SNAI2: variants seen among roughly 807,000 people sequenced by gnomAD.
SNAI2 encodes zinc finger protein SNAI2.
A neutral mutation model predicts 22.4 loss-of-function variants in SNAI2; 2 were observed. The ratio of observed to expected loss-of-function variants is 0.09; its 90% CI spans 0.04 to 0.28. SNAI2 has a LOEUF of 0.28. SNAI2 is among the 10% of genes least tolerant of loss of function. The pLI, the probability that SNAI2 is intolerant of heterozygous loss-of-function variation, is 1.00. For missense variants in SNAI2, 239 were observed against 320.8 expected (o/e 0.75, Z 1.95); for synonymous variants, 134 against 123.0 (o/e 1.09, Z -0.59).
At position 48,920,171 on chromosome 8, in the gene SNAI2, A is replaced by G. The variant is rs1167988676; in HGVS notation, c.350T>C (p.Leu117Pro). The G allele has an allele frequency of 1.2e-6, 2 of 1,614,226 alleles. No individual in the cohort carries two copies. The change falls in exon 2 of 3, where the codon CTT (leucine) becomes CCT (proline). Residue 117 changes from leucine (L) to proline (P), a missense_variant. Leu to Pro is a moderately conservative substitution (Grantham distance 98). This residue lies in a region of SNAI2 where 183 missense variants were observed against 190.4 expected (regional missense o/e 0.96). Coordinates refer to ENST00000020945, the MANE Select transcript of SNAI2 (RefSeq NM_003068.5). ...AGCTTCAATGGCATGGGGGTCTGAA[A>G]GCTTGGACTGTAGTCTTTCCTCTTC... ...SDEEERLQSK[L>P]SDPHAIEAEK...
At chr8:48,921,086 G>T in intron 1 of SNAI2, 101 bp downstream of exon 1, 1 of 910,700 alleles carries the variant, frequency 1.1e-6, no homozygotes, top group Non-Finnish European at 1.8e-6. Flanking sequence ...GAAAACAGTT[G>T]AATCTTTGGC....
Position 48,921,333 on chromosome 8 carries a change from C to T in SNAI2, c.-68G>A. 7.9e-7 allele frequency: 1 copy of T among 1,260,316 alleles called. No homozygotes were observed. The highest frequency in any genetic ancestry group is 1.2e-6 in the Non-Finnish European group (1 of 868,210). The allele number at this position is 1,260,316 out of a possible 1,614,324, so 78.1% of individuals were successfully genotyped here. On this transcript the variant is annotated 5_prime_UTR_variant, in exon 1 of 3. Transcript: ENST00000020945. ...CGGCGGGAGGACACGGCGGTCCCTACAGCATCGCGGCGGGCCAGGCTCGGG... is the reference window on the plus strand; with the variant it reads ...CGGCGGGAGGACACGGCGGTCCCTATAGCATCGCGGCGGGCCAGGCTCGGG...
Position 48,920,315 on chromosome 8 carries a change from A to G in SNAI2, c.206T>C (p.Leu69Pro), listed in dbSNP as rs1158057325. 2 of 1,611,772 alleles carry G rather than the reference A, an allele frequency of 1.2e-6. No individual in the cohort carries two copies. The highest frequency in any genetic ancestry group is 2.7e-5 in the African/African-American group (2 of 74,770). ...WTTAAPFHAQLPNGLSPLSGY... is the reference protein window; with the variant it reads ...WTTAAPFHAQPPNGLSPLSGY... ...GGAAAGAGGAGAGAGGCCATTGGGT[A>G]GCTGGGCGTGGAATGGAGCAGCGGT... The change falls in exon 2 of 3, where the codon CTA becomes CCA. Residue 69 changes from leucine (L) to proline (P), a missense_variant. Leu to Pro is a moderately conservative substitution (Grantham distance 98). Coordinates refer to ENST00000020945, the MANE Select transcript of SNAI2 (RefSeq NM_003068.5).
In SNAI2 at chr8:48,920,269, C is replaced by T. The variant is rs778589030; in HGVS notation, c.252G>A (p.Gly84=). ...CAGATGGAGGAGGGGGACTCACTCG[C>T]CCCAAAGATGAGGAGTATCCGGAAA... ...SPLSGYSSSL[G]RVSPPPPSDT... The change falls in exon 2 of 3, where the codon GGG becomes GGA. Residue 84 remains glycine, a synonymous_variant. Coordinates refer to ENST00000020945, the MANE Select transcript of SNAI2 (RefSeq NM_003068.5). The T allele has an allele frequency of 3.7e-6, 6 of 1,613,806 alleles. No homozygotes were observed. The East Asian group carries it at 1.3e-4, about 36-fold the overall frequency.
Position 48,920,288 on chromosome 8 carries a change from C to T in SNAI2, c.233G>A (p.Gly78Glu). Reference sequence around the variant, plus strand: ...CACTCGCCCCAAAGATGAGGAGTATCCGGAAAGAGGAGAGAGGCCATTGGG... The same window carrying T: ...CACTCGCCCCAAAGATGAGGAGTATTCGGAAAGAGGAGAGAGGCCATTGGG... The part of the protein sequence containing the change: ...QLPNGLSPLS[G>E]YSSSLGRVSP... The change falls in exon 2 of 3, where the codon GGA (glycine) becomes GAA (glutamate). Residue 78 changes from glycine (G) to glutamate (E), a missense_variant. Transcript: ENST00000020945. 1 of 1,613,024 alleles carries T rather than the reference C, an allele frequency of 6.2e-7. No homozygotes were observed. The highest frequency in any genetic ancestry group is 8.5e-7 in the Non-Finnish European group (1 of 1,179,262).
At chr8:48,919,359 A>C (rs1247476474) in intron 2 of SNAI2, among the ~76,000 whole-genome samples, 2 of 152,218 alleles carry the variant, frequency 1.3e-5, no homozygotes, top group Non-Finnish European at 2.9e-5. Flanking sequence ...AAGGTGGTCT[A>C]AGTGCCATGA....
At chr8:48,920,538 A>T (rs1378301626) in intron 1 of SNAI2, 97 bp from the exon 2 acceptor site, 1 of 1,113,218 alleles carries the variant, frequency 9.0e-7, no homozygotes, top group African/African-American at 1.5e-5. Context: ...ATTTAGCAAC[A>T]CACACGTGAT....
Position 48,918,867 on chromosome 8 carries a change from G to C in SNAI2, c.747C>G (p.Thr249=). ...KKYQCKNCSK[T]FSRMSLLHKH... ...TGTGCAGGAGAGACATTCTGGAGAA[G>C]GTTTTGGAGCAGTTTTTGCACTGGT... The change falls in exon 3 of 3, where the codon ACC becomes ACG. Residue 249 remains threonine (T), a synonymous_variant. Coordinates refer to ENST00000020945, the MANE Select transcript of SNAI2 (RefSeq NM_003068.5). 6.2e-7 allele frequency: 1 copy of C among 1,614,116 alleles called. No homozygotes were observed. The highest frequency in any genetic ancestry group is 8.5e-7 in the Non-Finnish European group (1 of 1,180,010).
rs767354084 is a variant in SNAI2, at chr8:48,921,308, C to G, written c.-43G>C. 8 of 1,494,118 alleles carry G rather than the reference C, an allele frequency of 5.4e-6. No individual in the cohort carries two copies. In the East Asian group the frequency reaches 1.6e-4, roughly 30 times the overall value. 92.6% of individuals were successfully genotyped at this position (1,494,118 alleles called of 1,614,324 possible). A position where few individuals can be genotyped will look rare whatever the true frequency, so the allele number is the denominator to read the frequency against. On this transcript the variant is annotated 5_prime_UTR_variant, in exon 1 of 3. Coordinates refer to ENST00000020945, the MANE Select transcript of SNAI2 (RefSeq NM_003068.5). ...CGGGCGCCCGGCGCGGATAACGGTC[C>G]GGCGGGAGGACACGGCGGTCCCTAC...
rs181954619 is a variant in SNAI2, at chr8:48,920,156, G to A, written c.365C>T (p.Ala122Val). 1.2e-4 allele frequency: 186 copies of A among 1,614,218 alleles called. 1 individual carries two copies. The East Asian group carries it at 3.2e-3, about 28-fold the overall frequency. ...GCACTGAAACTTTTCAGCTTCAATG[G>A]CATGGGGGTCTGAAAGCTTGGACTG... ...RLQSKLSDPH[A>V]IEAEKFQCNL... The change falls in exon 2 of 3, where the codon GCC becomes GTC. Residue 122 changes from alanine to valine, a missense_variant. Ala to Val is a moderately conservative substitution (Grantham distance 64, BLOSUM62 0). This residue lies in a region of SNAI2 where 183 missense variants were observed against 190.4 expected (regional missense o/e 0.96). Coordinates refer to ENST00000020945, the MANE Select transcript of SNAI2 (RefSeq NM_003068.5).
Position 48,921,255 on chromosome 8 carries a change from G to A in SNAI2, c.11C>T (p.Ser4Phe), listed in dbSNP as rs546348236. Residue 4 changes from serine (S) to phenylalanine (F), a missense_variant, in exon 1 of 3, where the codon TCC (serine) becomes TTC (phenylalanine). This residue lies in a region of SNAI2 where 183 missense variants were observed against 190.4 expected (regional missense o/e 0.96). Coordinates refer to ENST00000020945, the MANE Select transcript of SNAI2 (RefSeq NM_003068.5). The stretch of plus-strand genomic sequence containing the variant: ...GTTGAAATGCTTCTTGACCAGGAAG[G>A]AGCGCGGCATCTTGCCAGCGGGTCT... The part of the protein sequence containing the change: MPR[S>F]FLVKKHFNAS... 6.2e-7 allele frequency: 1 copy of A among 1,613,190 alleles called. No individual in the cohort carries two copies. The highest frequency in any genetic ancestry group is 2.2e-5 in the East Asian group (1 of 44,868).
rs1456500330 is a variant in SNAI2 at position 48,919,063 on chromosome 8, CAA to C, written c.626-77_626-76del. 6.2e-6 allele frequency: 9 copies of C among 1,445,036 alleles called. No homozygotes were observed. In the East Asian group the frequency reaches 2.1e-4, roughly 33 times the overall value. The allele number at this position is 1,445,036 out of a possible 1,614,324, so 89.5% of individuals were successfully genotyped here. On this transcript the variant is annotated intron_variant, in intron 2 of 2. Transcript: ENST00000020945. Reference sequence around the variant, plus strand: ...GAAACATAAAGTAAAATCATGTTAACAAAAGTCAATCACATTTTGCTTAAATA... The same window carrying C: ...GAAACATAAAGTAAAATCATGTTAACAAGTCAATCACATTTTGCTTAAATA...
chr8:48,920,873 G>C (rs763011154), intron 1 of SNAI2, among the ~76,000 whole-genome samples: 13 of 152,164 alleles, frequency 8.5e-5, no homozygotes, highest in Non-Finnish European at 1.8e-4. Flanking sequence ...GAGACTTAGT[G>C]CATGAAAAAC....
chr8:48,919,371 A>T (rs184855512), intron 2 of SNAI2, among the ~76,000 whole-genome samples: 32 of 152,286 alleles, frequency 2.1e-4, no homozygotes, highest in African/African-American at 7.0e-4. Context: ...GTGCCATGAT[A>T]CCCTGCAGAA....
rs767865830 is a variant in SNAI2 at position 48,920,323 on chromosome 8, G to A, written c.198C>T (p.His66=). The change falls in exon 2 of 3, where the codon CAC becomes CAT. Residue 66 remains histidine, a synonymous_variant. Transcript: ENST00000020945. The part of the protein sequence containing the change: ...ITVWTTAAPF[H]AQLPNGLSPL... The stretch of plus-strand genomic sequence containing the variant: ...GAGAGAGGCCATTGGGTAGCTGGGC[G>A]TGGAATGGAGCAGCGGTAGTCCACA... 6.2e-6 allele frequency: 10 copies of A among 1,611,582 alleles called. No individual in the cohort carries two copies. The highest frequency in any genetic ancestry group is 4.5e-5 in the East Asian group (2 of 44,846).
At position 48,921,322 on chromosome 8, in the gene SNAI2, G is replaced by T. The variant is rs536508549; in HGVS notation, c.-57C>A. The T allele has an allele frequency of 1.5e-6, 2 of 1,361,418 alleles. No homozygotes were observed. The highest frequency in any genetic ancestry group is 1.2e-5 in the South Asian group (1 of 86,218). The allele number at this position is 1,361,418 out of a possible 1,614,324, so 84.3% of individuals were successfully genotyped here. Reference sequence around the variant, plus strand: ...GGATAACGGTCCGGCGGGAGGACACGGCGGTCCCTACAGCATCGCGGCGGG... The same window carrying T: ...GGATAACGGTCCGGCGGGAGGACACTGCGGTCCCTACAGCATCGCGGCGGG... On this transcript the variant is annotated 5_prime_UTR_variant, in exon 1 of 3. Coordinates refer to ENST00000020945, the MANE Select transcript of SNAI2 (RefSeq NM_003068.5).
Position 48,921,320 on chromosome 8 carries a change from A to G in SNAI2, c.-55T>C, listed in dbSNP as rs1806159066. 1 of 1,376,740 alleles carries G rather than the reference A, an allele frequency of 7.3e-7. No homozygotes were observed. The highest frequency in any genetic ancestry group is 1.0e-6 in the Non-Finnish European group (1 of 972,318). 85.3% of individuals were successfully genotyped at this position (1,376,740 alleles called of 1,614,324 possible). A position where few individuals can be genotyped will look rare whatever the true frequency, so the allele number is the denominator to read the frequency against. On this transcript the variant is annotated 5_prime_UTR_variant, in exon 1 of 3. Coordinates refer to ENST00000020945, the MANE Select transcript of SNAI2 (RefSeq NM_003068.5). ...GCGGATAACGGTCCGGCGGGAGGAC[A>G]CGGCGGTCCCTACAGCATCGCGGCG... is the stretch of plus-strand genomic sequence containing the variant.
chr8:48,920,352 T>A lies in SNAI2; in HGVS notation c.169A>T (p.Thr57Ser), dbSNP rs746436655. ...ILSSGAYSPI[T>S]VWTTAAPFHA... ...AATGGAGCAGCGGTAGTCCACACAG[T>A]GATGGGGCTGTATGCTCCTGAGCTG... Residue 57 changes from threonine (T) to serine (S), a missense_variant, in exon 2 of 3, where the codon ACT (threonine) becomes TCT (serine). Physicochemically the swap from Thr to Ser is moderately conservative, Grantham distance 58 (BLOSUM62 1). Coordinates refer to ENST00000020945, the MANE Select transcript of SNAI2 (RefSeq NM_003068.5). The A allele has an allele frequency of 4.2e-5, 68 of 1,613,340 alleles. No individual in the cohort carries two copies. Among genetic ancestry groups the A allele is most frequent in the Non-Finnish European group, 5.5e-5 (65 of 1,179,636 alleles).
Position 48,920,066 on chromosome 8 carries a change from T to A in SNAI2, c.455A>T (p.Asp152Val). 2 of 1,614,222 alleles carry A rather than the reference T, an allele frequency of 1.2e-6. No homozygotes were observed. The highest frequency in any genetic ancestry group is 1.7e-6 in the Non-Finnish European group (2 of 1,180,038). The change falls in exon 2 of 3, where the codon GAT becomes GTT. Residue 152 changes from aspartate (D) to valine (V), a missense_variant. This residue lies in a region of SNAI2 where 183 missense variants were observed against 190.4 expected (regional missense o/e 0.96). Coordinates refer to ENST00000020945, the MANE Select transcript of SNAI2 (RefSeq NM_003068.5). The part of the protein sequence containing the change: ...GLAKHKQLHC[D>V]AQSRKSFSCK... ...GCTGAAAGATTTTCTAGACTGGGCATCGCAGTGCAGCTGCTTATGTTTGGC... is the reference window on the plus strand; with the variant it reads ...GCTGAAAGATTTTCTAGACTGGGCAACGCAGTGCAGCTGCTTATGTTTGGC...
Sources: gnomAD v4.1 joint callset for allele counts (sites outside exome capture counted in the v4.1 genomes callset) on GRCh38, gnomAD v4.1.1 for gene constraint, gnomAD v4.1.1 regional missense constraint, MANE v1.5 for transcripts, NCBI Gene and HGNC (gene_info 2026-07-23, HGNC 2026-07-21) for gene names.